Variants in PARD3 observed in about 807,000 individuals in gnomAD.
PARD3 encodes par-3 family cell polarity regulator, also known as partitioning defective 3 homolog.
Under a neutral mutation model 155.4 loss-of-function variants are expected in PARD3, and 75 were observed. That is an observed-to-expected ratio of 0.48 (90% confidence interval 0.40 to 0.58). PARD3 has a LOEUF of 0.58. PARD3 is among the 20% of genes least tolerant of loss of function. The pLI is 0.00. For missense variants in PARD3, 1,642 were observed against 1,721.7 expected (o/e 0.95, Z 0.82); for synonymous variants, 576 against 610.5 (o/e 0.94, Z 0.83).
At chr10:34,371,537 G>GAAAAAAA (rs1840661832) in intron 12 of PARD3, among the ~76,000 whole-genome samples, 3 of 48,240 alleles carry the variant, frequency 6.2e-5, no homozygotes, top group Admixed American at 2.6e-4. Context: ...AAAAAACAAC[G>GAAAAAAA]AAGGAATATT....
At chr10:34,243,711 T>C (rs1272756166) in intron 22 of PARD3, among the ~76,000 whole-genome samples, 2 of 152,048 alleles carry the variant, frequency 1.3e-5, no homozygotes, top group East Asian at 1.9e-4. Context: ...CGGCGCGCAC[T>C]GAGCAGGAGA....
At chr10:34,517,217 A>G in intron 2 of PARD3, 58 bp from the exon 3 acceptor site, 1 of 1,472,150 alleles carries the variant, frequency 6.8e-7, no homozygotes, top group East Asian at 2.3e-5. Context: ...AACTACCAAA[A>G]TTTTGTACTA....
chr10:34,258,315 T>C (rs558956045), intron 22 of PARD3, among the ~76,000 whole-genome samples: 2 of 152,152 alleles, frequency 1.3e-5, no homozygotes, highest in South Asian at 4.2e-4. Flanking sequence ...TCAGTATCCA[T>C]GGGCCGCACG....
At chr10:34,183,120 CCTAT>C (rs1251145544) in intron 22 of PARD3, among the ~76,000 whole-genome samples, 6 of 152,196 alleles carry the variant, frequency 3.9e-5, no homozygotes, top group African/African-American at 1.4e-4. Context: ...CTCAAAAACT[CCTAT>C]CTGTCAAATA....
chr10:34,636,761 A>C (rs1257016987), intron 2 of PARD3, among the ~76,000 whole-genome samples: 1 of 152,218 alleles, frequency 6.6e-6, no homozygotes, highest in Non-Finnish European at 1.5e-5. Context: ...CAGGGCGAGG[A>C]GGCCCACAGG....
chr10:34,279,753 T>C (rs1268569113), intron 21 of PARD3, among the ~76,000 whole-genome samples: 1 of 151,762 alleles, frequency 6.6e-6, no homozygotes, highest in Non-Finnish European at 1.5e-5. Context: ...ACACCAAGAA[T>C]GGGGAGTATC....
intron 2 of PARD3, among the ~76,000 whole-genome samples, chr10:34,620,503 T>C (rs1010165752): frequency 6.6e-6 from 1 of 152,250 alleles, no homozygotes; most frequent in South Asian, 2.1e-4. Context: ...TTGGAATGCA[T>C]GCCCATTTCT....
chr10:34,570,796 C>G (rs917093513), intron 2 of PARD3, among the ~76,000 whole-genome samples: 6 of 152,174 alleles, frequency 3.9e-5, no homozygotes, highest in African/African-American at 1.2e-4. Flanking sequence ...ATGCACTGTA[C>G]ACTCAGGAGG....
chr10:34,707,806 G>A (rs2094388746), intron 1 of PARD3, among the ~76,000 whole-genome samples: 1 of 152,148 alleles, frequency 6.6e-6, no homozygotes, highest in South Asian at 2.1e-4. Context: ...GCAGGGGATT[G>A]CTAACGCCAC....
chr10:34,278,539 C>T (rs192236178), intron 21 of PARD3, among the ~76,000 whole-genome samples: 4 of 152,114 alleles, frequency 2.6e-5, no homozygotes, highest in Admixed American at 6.6e-5. Context: ...ATCATGGGGG[C>T]GGTTTCCCCC....
chr10:34,377,328 G>C (rs1841350706), intron 10 of PARD3, among the ~76,000 whole-genome samples: 1 of 152,186 alleles, frequency 6.6e-6, no homozygotes, highest in Non-Finnish European at 1.5e-5. Context: ...ACTAAATGGG[G>C]CTGGGCATGA....
chr10:34,190,981 A>T (rs2133262218), intron 22 of PARD3, among the ~76,000 whole-genome samples: 1 of 152,226 alleles, frequency 6.6e-6, no homozygotes, highest in East Asian at 1.9e-4. Context: ...GCAATGTTAG[A>T]TAGAGCCCAG....
intron 1 of PARD3, among the ~76,000 whole-genome samples, chr10:34,781,923 C>T (rs1298866586): frequency 1.3e-5 from 2 of 152,182 alleles, no homozygotes; most frequent in African/African-American, 2.4e-5. Flanking sequence ...ACGTTTTAGA[C>T]AAACAGAACT....
intron 22 of PARD3, among the ~76,000 whole-genome samples, chr10:34,171,376 A>G (rs551992827): frequency 9.8e-4 from 150 of 152,314 alleles, no homozygotes; most frequent in African/African-American, 3.6e-3. Context: ...TTTTGTCAAC[A>G]TTGCTAAGAC....
intron 22 of PARD3, among the ~76,000 whole-genome samples, chr10:34,206,341 G>A (rs1256957259): frequency 3.3e-5 from 5 of 152,212 alleles, no homozygotes; most frequent in Admixed American, 6.5e-5. Context: ...CTATGGTGAC[G>A]GTTTCAGCAA....
intron 5 of PARD3, among the ~76,000 whole-genome samples, chr10:34,410,324 T>C (rs963446226): frequency 8.6e-5 from 13 of 151,974 alleles, no homozygotes; most frequent in African/African-American, 2.9e-4. Flanking sequence ...CATATAGGTT[T>C]TTCTTTTCTT....
At chr10:34,171,549 G>A (rs1384742888) in intron 22 of PARD3, among the ~76,000 whole-genome samples, 1 of 152,266 alleles carries the variant, frequency 6.6e-6, no homozygotes, top group East Asian at 1.9e-4. Flanking sequence ...TGCGTCCACT[G>A]TTTCAACGCA....
intron 1 of PARD3, among the ~76,000 whole-genome samples, chr10:34,745,067 A>G (rs371451335): frequency 1.3e-5 from 2 of 152,198 alleles, no homozygotes; most frequent in African/African-American, 4.8e-5. Context: ...CGTTTTACAA[A>G]TAAGAAAAAC....
intron 2 of PARD3, among the ~76,000 whole-genome samples, chr10:34,561,667 C>T (rs981481668): frequency 2.0e-5 from 3 of 151,756 alleles, no homozygotes; most frequent in South Asian, 4.2e-4. Context: ...TACAGGCGTG[C>T]GCCACCATGC....
Sources: gnomAD v4.1 joint callset for allele counts (sites outside exome capture counted in the v4.1 genomes callset) on GRCh38, gnomAD v4.1.1 for gene constraint, MANE v1.5 for transcripts, NCBI Gene and HGNC (gene_info 2026-07-23, HGNC 2026-07-21) for gene names.